Variants in PCDHA1 observed in about 807,000 individuals in gnomAD.
PCDHA1 encodes protocadherin alpha 1.
PCDHA1 carries 42 observed loss-of-function variants against 61.3 expected under a neutral mutation model. The ratio of observed to expected loss-of-function variants is 0.69; its 90% CI spans 0.54 to 0.89. The LOEUF (loss-of-function observed/expected upper bound fraction) is 0.89. Ranked by LOEUF, PCDHA1 falls within the 40% of genes least tolerant of loss-of-function variation. The pLI is 0.00. For synonymous variants in PCDHA1, 610 were observed against 553.8 expected (o/e 1.10, Z -1.43); for missense variants, 1,256 against 1,235.3 (o/e 1.02, Z -0.25).
intron 1 of PCDHA1, chr5:140,926,824 A>T: frequency 1.3e-6 from 2 of 1,496,944 alleles, no homozygotes; most frequent in Non-Finnish European, 1.8e-6. Context: ...GCTCTCCAGG[A>T]GTCCGGAGCA....
In PCDHA1 at chr5:140,927,786, A is replaced by G. The variant is rs782728309; in HGVS notation, c.2395-51163A>G. 11 of 1,614,074 alleles carry G rather than the reference A, an allele frequency of 6.8e-6. No homozygotes were observed. The East Asian group carries it at 2.0e-4, about 29-fold the overall frequency. On this transcript the variant is annotated intron_variant, in intron 1 of 3. Transcript: ENST00000504120. ...GTGGGGAGGTGCAAGTAGCTGCTTC[A>G]CTAGGTCCGCCTGAAACGCTCTTGG...
At chr5:140,798,967 G>C (rs1407336849) in intron 1 of PCDHA1, among the ~76,000 whole-genome samples, 1 of 152,140 alleles carries the variant, frequency 6.6e-6, no homozygotes, top group Non-Finnish European at 1.5e-5. Flanking sequence ...CCATTTCATA[G>C]TTAGGTCAGA....
At chr5:141,000,393 C>CTATAAATATA (rs1563650230) in intron 3 of PCDHA1, among the ~76,000 whole-genome samples, 1 of 52,856 alleles carries the variant, frequency 1.9e-5, no homozygotes, top group African/African-American at 9.2e-5. Flanking sequence ...CTCTCTCTCT[C>CTATAAATATA]TCTATATATA....
intron 1 of PCDHA1, among the ~76,000 whole-genome samples, chr5:140,922,269 T>C (rs782114145): frequency 1.3e-5 from 2 of 152,214 alleles, no homozygotes; most frequent in Non-Finnish European, 2.9e-5. Context: ...GCCATGAAGA[T>C]TGGACCAAGA....
Position 140,854,738 on chromosome 5 carries a change from G to A in PCDHA1, c.2394+66054G>A, listed in dbSNP as rs894422305. The A allele has an allele frequency of 8.7e-5, 13 of 149,392 alleles. 1 individual carries two copies. The East Asian group carries it at 2.5e-3, about 29-fold the overall frequency. 9.3% of individuals were successfully genotyped at this position (149,392 alleles called of 1,614,324 possible). On this transcript the variant is annotated intron_variant, in intron 1 of 3. Coordinates refer to ENST00000504120, the MANE Select transcript of PCDHA1 (RefSeq NM_018900.4). ...CAGAAAACTCAAGTTTTTTTCAGCA[G>A]CACAGATATATTACATTTTCATTCC...
At chr5:140,789,859 C>G (rs151324960) in intron 1 of PCDHA1, among the ~76,000 whole-genome samples, 1 of 152,296 alleles carries the variant, frequency 6.6e-6, no homozygotes, top group East Asian at 1.9e-4. Context: ...CGAGGATATC[C>G]AAAAACTTGC....
intron 1 of PCDHA1, among the ~76,000 whole-genome samples, chr5:140,895,055 A>G (rs1313066261): frequency 6.6e-6 from 1 of 152,118 alleles, no homozygotes; most frequent in East Asian, 1.9e-4. Context: ...ATTCTGCTTC[A>G]TATGGACTCA....
chr5:140,956,820 G>C (rs246011), intron 1 of PCDHA1, among the ~76,000 whole-genome samples: 85,659 of 151,910 alleles, frequency 0.56, 24,765 homozygotes, highest in African/African-American at 0.69. Context: ...GCTTCAATTT[G>C]TAATTTAATA....
chr5:140,834,739 T>G (rs1422918644), intron 1 of PCDHA1: 1 of 1,614,236 alleles, frequency 6.2e-7, no homozygotes, highest in Non-Finnish European at 8.5e-7. Flanking sequence ...GTTTTCCATG[T>G]GGACGTGGAG....
At chr5:140,994,451 C>T (rs782287082) in intron 3 of PCDHA1, among the ~76,000 whole-genome samples, 14 of 152,116 alleles carry the variant, frequency 9.2e-5, no homozygotes, top group Non-Finnish European at 1.6e-4. Flanking sequence ...ACCTGTGATC[C>T]CAGCACTTTG....
chr5:140,991,879 G>A (rs1464021872), intron 3 of PCDHA1, among the ~76,000 whole-genome samples: 1 of 152,174 alleles, frequency 6.6e-6, no homozygotes, highest in Non-Finnish European at 1.5e-5. Flanking sequence ...TCCTAGGGCT[G>A]CCATAACAAA....
In PCDHA1 at chr5:140,844,415, G is replaced by GT. The variant is rs1436440937; in HGVS notation, c.2394+55737dup. Among the ~76,000 whole-genome samples, 5 of 149,230 alleles carry GT rather than the reference G, an allele frequency of 3.4e-5. 1 individual carries two copies. Among genetic ancestry groups the GT allele is most frequent in the Non-Finnish European group, 6.0e-5 (4 of 66,716 alleles). On this transcript the variant is annotated intron_variant, in intron 1 of 3. Transcript: ENST00000504120. ...AGACCATTTTACCATTTGGAGACAT[G>GT]TTTTTTATTCTACATGATTTTTACA...
intron 1 of PCDHA1, among the ~76,000 whole-genome samples, chr5:140,907,922 G>T (rs1554193181): frequency 6.6e-6 from 1 of 152,174 alleles, no homozygotes; most frequent in Admixed American, 6.5e-5. Context: ...ACTCAGAGAG[G>T]TCCATTCACA....
At chr5:140,809,069 A>T in intron 1 of PCDHA1, 1 of 1,613,898 alleles carries the variant, frequency 6.2e-7, no homozygotes. Flanking sequence ...GGGGCTGTAC[A>T]CTGGCGAGAT....
chr5:140,915,517 G>T (rs982535213), intron 1 of PCDHA1, among the ~76,000 whole-genome samples: 17 of 152,066 alleles, frequency 1.1e-4, no homozygotes, highest in African/African-American at 4.1e-4. Flanking sequence ...TTGCAGACTA[G>T]TAGAGGTACC....
At chr5:140,949,963 A>G (rs1044562957) in intron 1 of PCDHA1, among the ~76,000 whole-genome samples, 1 of 151,750 alleles carries the variant, frequency 6.6e-6, no homozygotes, top group African/African-American at 2.4e-5. Context: ...TGCTGTAAGG[A>G]TTACAGCATA....
At chr5:140,917,379 T>C (rs1393963383) in intron 1 of PCDHA1, among the ~76,000 whole-genome samples, 1 of 147,708 alleles carries the variant, frequency 6.8e-6, no homozygotes, top group African/African-American at 2.5e-5. Context: ...TCCACCTCAA[T>C]AGTCTGATGT....
intron 1 of PCDHA1, chr5:140,796,847 C>T (rs782019473): frequency 1.2e-6 from 2 of 1,614,068 alleles, no homozygotes; most frequent in Non-Finnish European, 8.5e-7. Flanking sequence ...GGGCTATACA[C>T]GGGTGAGATC....
At chr5:140,836,074 C>G in intron 1 of PCDHA1, 2 of 1,613,694 alleles carry the variant, frequency 1.2e-6, no homozygotes, top group Non-Finnish European at 1.7e-6. Flanking sequence ...AACGCGCCGG[C>G]ACTGCTGGCG....
Sources: allele counts gnomAD v4.1 joint callset (sites outside exome capture counted in the v4.1 genomes callset), GRCh38; gene constraint gnomAD v4.1.1; transcripts MANE v1.5; gene names NCBI Gene and HGNC (gene_info 2026-07-23, HGNC 2026-07-21).